Variants in PDXDC1 observed in about 807,000 individuals in gnomAD.
PDXDC1 encodes the protein pyridoxal-dependent decarboxylase domain-containing protein 1.
In PDXDC1, 42 loss-of-function variants were observed where a neutral mutation model predicts 100.1. The ratio of observed to expected loss-of-function variants is 0.42; its 90% CI spans 0.33 to 0.54. PDXDC1 has a LOEUF of 0.54. Ranked by LOEUF, PDXDC1 falls within the 20% of genes least tolerant of loss-of-function variation. The probability of loss-of-function intolerance (pLI) is 0.10; values close to 1 mark genes in which losing one functional copy is unlikely to be tolerated. For synonymous variants in PDXDC1, 260 were observed against 371.7 expected, an observed-to-expected ratio of 0.70 and a Z score of 3.46; for missense variants, 636 against 979.2, an observed-to-expected ratio of 0.65 and a Z score of 4.68.
At chr16:15,132,327 G>A (rs1243323347) in intron 16 of PDXDC1, among the ~76,000 whole-genome samples, 1 of 38,934 alleles carries the variant, frequency 2.6e-5, no homozygotes, top group East Asian at 1.0e-3. Context: ...TAGCGGAGGG[G>A]AGGGGAGGGG....
At chr16:15,019,095 T>G in intron 12 of PDXDC1, 130 bp downstream of exon 12, 1 of 1,283,160 alleles carries the variant, frequency 7.8e-7, no homozygotes, top group Non-Finnish European at 1.1e-6. Flanking sequence ...CAGAGACTAA[T>G]CGCCCTGCAT....
chr16:15,102,350 G>A (rs545646834), intron 16 of PDXDC1, among the ~76,000 whole-genome samples: 2 of 152,152 alleles, frequency 1.3e-5, no homozygotes, highest in Non-Finnish European at 1.5e-5. Context: ...TTTTACGAGA[G>A]GGTGTAGCCT....
intron 16 of PDXDC1, among the ~76,000 whole-genome samples, chr16:15,046,876 A>T (rs936163172): frequency 6.6e-6 from 1 of 152,054 alleles, no homozygotes; most frequent in Admixed American, 6.6e-5. Flanking sequence ...CCCTATCTCA[A>T]CAACAAAAAG....
chr16:14,981,170 T>G (rs1967887816), intron 1 of PDXDC1, among the ~76,000 whole-genome samples: 1 of 152,312 alleles, frequency 6.6e-6, no homozygotes, highest in South Asian at 2.1e-4. Flanking sequence ...ATTATGCTTT[T>G]CTAGAGTTTA....
At chr16:15,085,976 A>AT (rs1463376573) in intron 16 of PDXDC1, among the ~76,000 whole-genome samples, 3 of 152,224 alleles carry the variant, frequency 2.0e-5, no homozygotes, top group African/African-American at 7.2e-5. Context: ...AGACACCTCC[A>AT]TAGGGGTCAT....
At chr16:15,111,586 C>T (rs1482262129) in intron 16 of PDXDC1, among the ~76,000 whole-genome samples, 1 of 147,080 alleles carries the variant, frequency 6.8e-6, no homozygotes. Context: ...GGTGAAACCC[C>T]GTCTCTACTA....
At chr16:15,130,186 G>A (rs1236682299) in intron 16 of PDXDC1, 15 of 1,546,068 alleles carry the variant, frequency 9.7e-6, no homozygotes, top group African/African-American at 4.1e-5. Flanking sequence ...GCTCCCAGGA[G>A]CACAGGGTCA....
chr16:15,035,725 G>A (rs561346044), intron 22 of PDXDC1, among the ~76,000 whole-genome samples, 172 bp downstream of exon 22: 12 of 152,232 alleles, frequency 7.9e-5, no homozygotes, highest in Non-Finnish European at 1.5e-4. Context: ...GAAATCCCAC[G>A]GTAGTGCGCT....
At chr16:15,043,326 G>A (rs533289979), downstream of PDXDC1, among the ~76,000 whole-genome samples, 22 of 152,178 alleles carry the variant, frequency 1.4e-4, no homozygotes, top group Non-Finnish European at 1.9e-4. Flanking sequence ...ATGAGCCACC[G>A]TGCCCGGCCG....
chr16:15,140,608 A>G (rs184638711), downstream of PDXDC1, among the ~76,000 whole-genome samples: 4 of 152,268 alleles, frequency 2.6e-5, no homozygotes, highest in East Asian at 7.7e-4. Context: ...CAGTGAAGAA[A>G]AGGCAACAGA....
intron 3 of PDXDC1, among the ~76,000 whole-genome samples, chr16:15,000,173 G>A (rs542974607): frequency 4.6e-5 from 7 of 152,398 alleles, no homozygotes; most frequent in East Asian, 3.9e-4. Flanking sequence ...CTAATTCCAC[G>A]GAAGTTTTCC....
In PDXDC1 at chr16:15,038,197, G is replaced by A. The variant is rs771761905; in HGVS notation, c.*1922G>A. The A allele has an allele frequency of 3.4e-5, 55 of 1,612,208 alleles. No homozygotes were observed. Among genetic ancestry groups the A allele is most frequent in the Non-Finnish European group, 4.2e-5 (50 of 1,179,196 alleles). ...AAAGTGGGGTGGCTCAGCCAGAGGC[G>A]AAGTGGAAAGATTCTGAAAACACAA... On this transcript the variant is annotated 3_prime_UTR_variant, in exon 23 of 23. Coordinates refer to ENST00000396410, the MANE Select transcript of PDXDC1 (RefSeq NM_015027.4).
At chr16:14,986,992 C>T (rs1190013457) in intron 1 of PDXDC1, among the ~76,000 whole-genome samples, 1 of 152,278 alleles carries the variant, frequency 6.6e-6, no homozygotes, top group East Asian at 1.9e-4. Flanking sequence ...GGTGATCTGC[C>T]CTGCTTTGGC....
At chr16:15,143,422 G>A (rs1471725877), downstream of PDXDC1, among the ~76,000 whole-genome samples, 1 of 152,212 alleles carries the variant, frequency 6.6e-6, no homozygotes, top group African/African-American at 2.4e-5. Flanking sequence ...CTGCCGGCCC[G>A]AGGTATCTGA....
At chr16:15,019,901 A>G (rs2042048643) in intron 12 of PDXDC1, among the ~76,000 whole-genome samples, 1 of 152,402 alleles carries the variant, frequency 6.6e-6, no homozygotes. Context: ...TCACAAGGTC[A>G]TGAGATCAAG....
intron 4 of PDXDC1, among the ~76,000 whole-genome samples, 200 bp from the exon 5 acceptor site, chr16:15,003,986 GA>G (rs1178923479): frequency 2.4e-4 from 37 of 152,020 alleles, no homozygotes; most frequent in Admixed American, 7.9e-4. Flanking sequence ...CTCCATCTCA[GA>G]AAAAAAAATA....
chr16:14,995,582 G>A (rs1410497405), intron 1 of PDXDC1, among the ~76,000 whole-genome samples: 1 of 152,264 alleles, frequency 6.6e-6, no homozygotes, highest in African/African-American at 2.4e-5. Context: ...TGTTCATCAG[G>A]GATATTGGTC....
At chr16:15,061,376 C>A (rs1940976549) in intron 16 of PDXDC1, 1 of 213,868 alleles carries the variant, frequency 4.7e-6, no homozygotes, top group Non-Finnish European at 9.2e-6. Context: ...CTGACAAAAA[C>A]CCATGTTAAA....
intron 14 of PDXDC1, among the ~76,000 whole-genome samples, chr16:15,026,935 A>G (rs1355298143): frequency 2.0e-5 from 3 of 152,292 alleles, no homozygotes; most frequent in African/African-American, 7.2e-5. Context: ...TCCCTGGACC[A>G]GTGCTGGAAT....
Sources: gnomAD v4.1 joint callset for allele counts (sites outside exome capture counted in the v4.1 genomes callset) on GRCh38, gnomAD v4.1.1 for gene constraint, MANE v1.5 for transcripts, NCBI Gene and HGNC (gene_info 2026-07-23, HGNC 2026-07-21) for gene names.